The following PAPOLA variants were observed in gnomAD, a reference collection of about 807,000 sequenced individuals.
PAPOLA encodes polynucleotide adenylyltransferase alpha.
PAPOLA carries 15 observed loss-of-function variants against 100.6 expected under a neutral mutation model. That is an observed-to-expected ratio of 0.15 (90% confidence interval 0.10 to 0.23). PAPOLA has a LOEUF of 0.23. Among genes scored for constraint, PAPOLA ranks in the 10% least tolerant of loss-of-function variants. The pLI, the probability that PAPOLA is intolerant of heterozygous loss-of-function variation, is 1.00. For synonymous variants in PAPOLA, 293 were observed against 300.0 expected (o/e 0.98, Z 0.24); for missense variants, 533 against 884.2 (o/e 0.60, Z 5.04).
chr14:96,533,444 A>C, intron 9 of PAPOLA: 1 of 983,944 alleles, frequency 1.0e-6, no homozygotes, highest in Non-Finnish European at 1.2e-6. Context: ...AAAATAAAAA[A>C]AATTTAGAAC....
At chr14:96,503,344 C>T (rs1025861306) in intron 1 of PAPOLA, among the ~76,000 whole-genome samples, 2 of 152,026 alleles carry the variant, frequency 1.3e-5, no homozygotes, top group African/African-American at 2.4e-5. Context: ...TTCTCTATCT[C>T]TGGTGATACT....
intron 2 of PAPOLA, 40 bp from the exon 3 acceptor site, chr14:96,520,966 A>G: frequency 1.1e-6 from 1 of 915,032 alleles, no homozygotes; most frequent in South Asian, 1.3e-5. Flanking sequence ...TTAATCAGTA[A>G]TGATCTGGAA....
intron 21 of PAPOLA, among the ~76,000 whole-genome samples, chr14:96,563,710 T>A (rs1902054402): frequency 6.6e-6 from 1 of 152,190 alleles, no homozygotes; most frequent in East Asian, 1.9e-4. Context: ...TGTTAACTTT[T>A]ATTGACTCTA....
At position 96,537,340 on chromosome 14, in the gene PAPOLA, G is replaced by C. The variant is rs147300701; in HGVS notation, c.1115+280G>C. ...CAGTCATGACAAAAACAGTACATCT[G>C]TATACAGTGGCAAGTGGATGCACCC... On this transcript the variant is annotated intron_variant, in intron 12 of 21. Coordinates refer to ENST00000216277, the MANE Select transcript of PAPOLA (RefSeq NM_032632.5). 284 of 291,982 alleles carry C rather than the reference G, an allele frequency of 9.7e-4. No individual in the cohort carries two copies. In the East Asian group the frequency reaches 0.015, roughly 15 times the overall value. 18.1% of individuals were successfully genotyped at this position (291,982 alleles called of 1,614,324 possible).
chr14:96,502,615 TTC>T lies in PAPOLA; in HGVS notation c.8+17_8+18del, dbSNP rs768008792. ...ACGATGCCGTTGTAAGTAATTTGTATTCTGTTTTCTTTCGCTCGCCGGCTGGG... is the reference window on the plus strand; with the variant it reads ...ACGATGCCGTTGTAAGTAATTTGTATTGTTTTCTTTCGCTCGCCGGCTGGG... On this transcript the variant is annotated intron_variant, in intron 1 of 21. Transcript: ENST00000216277. The T allele has an allele frequency of 3.8e-6, 6 of 1,575,032 alleles. No homozygotes were observed. The highest frequency in any genetic ancestry group is 4.8e-5 in the East Asian group (2 of 41,530).
At chr14:96,518,496 C>T (rs1897661187) in intron 1 of PAPOLA, among the ~76,000 whole-genome samples, 2 of 152,070 alleles carry the variant, frequency 1.3e-5, no homozygotes, top group African/African-American at 4.8e-5. Context: ...GCAAGCTCCG[C>T]CTCCCAGGTT....
chr14:96,511,399 A>T (rs1197753446), intron 1 of PAPOLA, among the ~76,000 whole-genome samples: 1 of 152,076 alleles, frequency 6.6e-6, no homozygotes, highest in East Asian at 1.9e-4. Flanking sequence ...TGACTCTATT[A>T]AAAAAAATTA....
At chr14:96,523,469 T>C (rs1898186731) in intron 3 of PAPOLA, among the ~76,000 whole-genome samples, 1 of 152,216 alleles carries the variant, frequency 6.6e-6, no homozygotes, top group South Asian at 2.1e-4. Context: ...CTTCAAAAGA[T>C]TGTTATGTCT....
intron 12 of PAPOLA, among the ~76,000 whole-genome samples, chr14:96,541,000 C>T (rs1245653821): frequency 6.6e-6 from 1 of 152,216 alleles, no homozygotes; most frequent in African/African-American, 2.4e-5. Context: ...TGCCATTCTC[C>T]TGCCTCAGCC....
intron 12 of PAPOLA, among the ~76,000 whole-genome samples, chr14:96,541,184 G>A (rs1182394137): frequency 2.6e-5 from 4 of 152,122 alleles, no homozygotes; most frequent in Admixed American, 6.6e-5. Flanking sequence ...CACCACACCC[G>A]GCTGAAACCA....
At chr14:96,509,620 G>C (rs1475751644) in intron 1 of PAPOLA, among the ~76,000 whole-genome samples, 1 of 152,136 alleles carries the variant, frequency 6.6e-6, no homozygotes, top group Non-Finnish European at 1.5e-5. Context: ...GGTATAGCCT[G>C]CTATGCACCT....
At chr14:96,537,709 A>T (rs1334543640) in intron 12 of PAPOLA, 1 of 152,046 alleles carries the variant, frequency 6.6e-6, no homozygotes, top group Admixed American at 6.5e-5. Flanking sequence ...AATCTTATTT[A>T]AAAAACAGAC....
chr14:96,527,808 G>T, intron 5 of PAPOLA, 145 bp from the exon 6 acceptor site: 1 of 696,728 alleles, frequency 1.4e-6, no homozygotes, highest in South Asian at 1.7e-5. Context: ...TAAAATATTT[G>T]AACCTTGATT....
chr14:96,543,518 A>T (rs1040057437), intron 14 of PAPOLA, among the ~76,000 whole-genome samples: 1 of 152,004 alleles, frequency 6.6e-6, no homozygotes, highest in African/African-American at 2.4e-5. Flanking sequence ...AAGTGAAAGG[A>T]TCATTAAATT....
rs148426438 is a variant in PAPOLA at position 96,544,381 on chromosome 14, A to C, written c.1399+123A>C. 1.6e-3 allele frequency: 978 copies of C among 602,698 alleles called. 3 individuals are homozygous for C. In the African/African-American group the frequency reaches 0.017, roughly 10 times the overall value. 37.3% of individuals were successfully genotyped at this position (602,698 alleles called of 1,614,324 possible). ...TACTTGCGAATATTGAACTATCATCAGAATAATGGTTTTGTATTAGTCTAA... is the reference window on the plus strand; with the variant it reads ...TACTTGCGAATATTGAACTATCATCCGAATAATGGTTTTGTATTAGTCTAA... On this transcript the variant is annotated intron_variant, in intron 15 of 21. Coordinates refer to ENST00000216277, the MANE Select transcript of PAPOLA (RefSeq NM_032632.5).
At position 96,502,865 on chromosome 14, in the gene PAPOLA, C is replaced by T. The variant is rs541698977; in HGVS notation, c.8+265C>T. 148 of 417,102 alleles carry T rather than the reference C, an allele frequency of 3.5e-4. 1 individual carries two copies. The highest frequency in any genetic ancestry group is 1.9e-3 in the African/African-American group (93 of 48,594). The allele number at this position is 417,102 out of a possible 1,614,324, so 25.8% of individuals were successfully genotyped here. On this transcript the variant is annotated intron_variant, in intron 1 of 21. Transcript: ENST00000216277. ...GGCCTTCCCCTTCCGGAATTGCTGG[C>T]GGAACCTCTAACTCGCCCGGCCACT...
At chr14:96,560,772 A>C in intron 20 of PAPOLA, 61 bp downstream of exon 20, 2 of 1,044,286 alleles carry the variant, frequency 1.9e-6, no homozygotes, top group Middle Eastern at 2.1e-4. Flanking sequence ...TGTAATAGAA[A>C]TGTCTCTAAA....
chr14:96,560,288 C>T (rs1270111601), intron 19 of PAPOLA: 1 of 168,690 alleles, frequency 5.9e-6, no homozygotes, highest in Non-Finnish European at 1.3e-5. Flanking sequence ...GTGTGAATCT[C>T]CCAGAATGGG....
intron 16 of PAPOLA, among the ~76,000 whole-genome samples, chr14:96,550,492 T>C (rs1461424725): frequency 2.6e-5 from 4 of 152,186 alleles, no homozygotes; most frequent in African/African-American, 9.6e-5. Context: ...TGTTTTTTGG[T>C]CCAAAAATTC....
Sources: gnomAD v4.1 joint callset for allele counts (sites outside exome capture counted in the v4.1 genomes callset) on GRCh38, gnomAD v4.1.1 for gene constraint, MANE v1.5 for transcripts, NCBI Gene and HGNC (gene_info 2026-07-23, HGNC 2026-07-21) for gene names.